The following DMD variants were observed in gnomAD, a reference collection of about 807,000 sequenced individuals.
DMD encodes dystrophin, also known as mutant dystrophin.
A neutral mutation model predicts 330.1 loss-of-function variants in DMD; 63 were observed. That is an observed-to-expected ratio of 0.19 (90% CI 0.16 to 0.24). The LOEUF (loss-of-function observed/expected upper bound fraction) is 0.24. Ranked by LOEUF, DMD falls within the 10% of genes least tolerant of loss-of-function variation. DMD has a pLI of 1.00. For missense variants in DMD, 3,344 were observed against 2,684.1 expected (o/e 1.25, Z -5.43); for synonymous variants, 1,223 against 959.8 (o/e 1.27, Z -5.07).
chrX:31,828,803 A>G (rs2092952924), intron 49 of DMD, among the ~76,000 whole-genome samples: 1 of 111,666 alleles, frequency 9.0e-6, no homozygotes. Flanking sequence ...ACATTCAAAG[A>G]AGAATTGGTA....
intron 5 of DMD, among the ~76,000 whole-genome samples, chrX:32,822,657 A>C (rs2078368121): frequency 1.8e-5 from 2 of 109,955 alleles, no homozygotes; most frequent in African/African-American, 6.6e-5. Context: ...TGCATATTGT[A>C]TATATGTGTG....
Position 32,155,298 on chromosome X carries a change from C to A in DMD, c.6438+61618G>T, listed in dbSNP as rs776797784. 6.3e-5 allele frequency: 33 copies of A among 523,150 alleles called. No homozygotes were observed. The African/African-American group carries it at 8.0e-4, about 13-fold the overall frequency. The allele number at this position is 523,150 out of a possible 1,213,427, so 43.1% of individuals were successfully genotyped here. A position where few individuals can be genotyped will look rare whatever the true frequency, so the allele number is the denominator to read the frequency against. On this transcript the variant is annotated intron_variant, in intron 44 of 78. Coordinates refer to ENST00000357033, the MANE Select transcript of DMD (RefSeq NM_004006.3). ...ACTTACAGAAAAGCTGCCAGACCCA[C>A]AGAAGAGCACTTTCCTCTCAACAGA... is the stretch of plus-strand genomic sequence containing the variant.
intron 5 of DMD, among the ~76,000 whole-genome samples, chrX:32,822,611 A>G (rs2078362075): frequency 9.1e-6 from 1 of 110,231 alleles, no homozygotes; most frequent in Admixed American, 9.7e-5. Flanking sequence ...ATATACATAT[A>G]TAATGTGTGG....
At chrX:32,750,028 CGCCTT>C (rs1370207296) in intron 7 of DMD, among the ~76,000 whole-genome samples, 1 of 112,014 alleles carries the variant, frequency 8.9e-6, no homozygotes, top group Non-Finnish European at 1.9e-5. Flanking sequence ...AAAAAACAGA[CGCCTT>C]GCCTTATTTG....
At chrX:33,281,300 C>G (rs1489041513) in intron 1 of DMD, among the ~76,000 whole-genome samples, 1 of 108,228 alleles carries the variant, frequency 9.2e-6, no homozygotes, top group Non-Finnish European at 1.9e-5. Flanking sequence ...CCTCTCTCTC[C>G]CGGGTTCAAG....
chrX:32,190,585 T>TATATATA (rs1569549819), intron 44 of DMD, among the ~76,000 whole-genome samples: 4 of 94,311 alleles, frequency 4.2e-5, no homozygotes, highest in Admixed American at 1.2e-4. Context: ...TATATATATA[T>TATATATA]TTCACCACAA....
chrX:31,222,068 T>C (rs12851426), intron 64 of DMD, among the ~76,000 whole-genome samples: 47,433 of 109,138 alleles, frequency 0.43, 8,991 homozygotes, highest in African/African-American at 0.73. Flanking sequence ...TGGTGGTGGG[T>C]GCCTGTAGTC....
At chrX:32,967,848 A>G (rs1372011476) in intron 2 of DMD, among the ~76,000 whole-genome samples, 1 of 111,881 alleles carries the variant, frequency 8.9e-6, no homozygotes, top group South Asian at 3.7e-4. Context: ...TGGTTGTAGA[A>G]TATTTCTATG....
rs55916475 is a variant in DMD, at chrX:32,229,681, CATATATATATATATATATATAT to C, written c.6291-12640_6291-12619del. Among the ~76,000 whole-genome samples, 231 of 24,340 alleles carry C rather than the reference CATATATATATATATATATATAT, an allele frequency of 9.5e-3. 1 individual carries two copies. Among genetic ancestry groups the C allele is most frequent in the African/African-American group, 0.01 (66 of 6,315 alleles). 21.1% of individuals were successfully genotyped at this position (24,340 alleles called of 115,157 possible). A position where few individuals can be genotyped will look rare whatever the true frequency, so the allele number is the denominator to read the frequency against. ...ATATATATATCTCAAAGAGTTTCAT[CATATATATATATATATATATAT>C]ATATATATATATATATATATATAAA... On this transcript the variant is annotated intron_variant, in intron 43 of 78. Coordinates refer to ENST00000357033, the MANE Select transcript of DMD (RefSeq NM_004006.3).
At chrX:31,429,467 G>A (rs1285388610) in intron 60 of DMD, among the ~76,000 whole-genome samples, 1 of 111,798 alleles carries the variant, frequency 8.9e-6, no homozygotes, top group African/African-American at 3.3e-5. Flanking sequence ...GGCTAGCCAC[G>A]TATTTGTCTT....
chrX:32,742,136 G>C (rs1259763805), intron 7 of DMD, among the ~76,000 whole-genome samples: 1 of 111,613 alleles, frequency 9.0e-6, no homozygotes, highest in East Asian at 2.8e-4. Context: ...TGGTTACACA[G>C]CTACCACCCA....
At chrX:31,178,393 T>G (rs2040769781) in intron 70 of DMD, 2 of 944,984 alleles carry the variant, frequency 2.1e-6, no homozygotes, top group South Asian at 4.1e-5. Flanking sequence ...ATATTTCTTA[T>G]AAGGCTTGTA....
chrX:31,553,359 A>C (rs2147773758), intron 55 of DMD, among the ~76,000 whole-genome samples: 1 of 112,135 alleles, frequency 8.9e-6, no homozygotes, highest in Admixed American at 9.4e-5. Context: ...TTTCTTACTT[A>C]TATACCATGC....
At chrX:31,886,744 G>A (rs1311016685) in intron 47 of DMD, among the ~76,000 whole-genome samples, 1 of 111,643 alleles carries the variant, frequency 9.0e-6, no homozygotes, top group Non-Finnish European at 1.9e-5. Flanking sequence ...GTTGGGTGTC[G>A]ATGAGGTAGG....
intron 60 of DMD, among the ~76,000 whole-genome samples, chrX:31,421,093 G>C (rs1049292706): frequency 8.9e-6 from 1 of 112,302 alleles, no homozygotes; most frequent in African/African-American, 3.2e-5. Context: ...TAGGTGAGTA[G>C]TTAGCAAGAA....
chrX:32,536,288 A>AC (rs2047978139), intron 17 of DMD, among the ~76,000 whole-genome samples: 1 of 106,033 alleles, frequency 9.4e-6, no homozygotes, highest in Non-Finnish European at 1.9e-5. Flanking sequence ...AAAAAAAAAA[A>AC]CACACAAATG....
chrX:31,935,481 G>T (rs1215436604), intron 45 of DMD, among the ~76,000 whole-genome samples: 2 of 111,385 alleles, frequency 1.8e-5, no homozygotes, highest in Non-Finnish European at 3.8e-5. Context: ...AGAAGAAAAC[G>T]TCTAGTATAG....
chrX:31,407,045 G>C (rs188262196), intron 60 of DMD, among the ~76,000 whole-genome samples: 1 of 112,339 alleles, frequency 8.9e-6, no homozygotes, highest in Admixed American at 9.4e-5. Flanking sequence ...ATACTCAGAA[G>C]TTCTTGAACT....
At chrX:33,271,861 G>T (rs1395419133) in intron 1 of DMD, among the ~76,000 whole-genome samples, 1 of 110,367 alleles carries the variant, frequency 9.1e-6, no homozygotes, top group African/African-American at 3.3e-5. Context: ...CCATGTGAGT[G>T]GCAAAGCAAA....
Sources: gnomAD v4.1 joint callset for allele counts (sites outside exome capture counted in the v4.1 genomes callset) on GRCh38, gnomAD v4.1.1 for gene constraint, MANE v1.5 for transcripts, NCBI Gene and HGNC (gene_info 2026-07-23, HGNC 2026-07-21) for gene names.